The following ZNF831 variants were observed in gnomAD, a reference collection of about 807,000 sequenced individuals.
ZNF831 encodes zinc finger protein 831.
Under a neutral mutation model 95.8 loss-of-function variants are expected in ZNF831, and 59 were observed. That is an observed-to-expected ratio of 0.62 (90% CI 0.50 to 0.77). ZNF831 has a LOEUF of 0.77. ZNF831 is among the 30% of genes least tolerant of loss of function. The pLI, the probability that ZNF831 is intolerant of heterozygous loss-of-function variation, is 0.00. For missense variants in ZNF831, 2,205 were observed against 2,164.0 expected (o/e 1.02, Z -0.38); for synonymous variants, 961 against 925.5 (o/e 1.04, Z -0.70).
intron 4 of ZNF831, among the ~76,000 whole-genome samples, chr20:59,211,919 T>C (rs910307716): frequency 6.6e-4 from 101 of 152,094 alleles, no homozygotes; most frequent in African/African-American, 2.3e-3. Context: ...GGCTGTAACT[T>C]GGGGAAACTT....
At chr20:59,184,214 A>G (rs1982835839) in intron 1 of ZNF831, among the ~76,000 whole-genome samples, 1 of 152,120 alleles carries the variant, frequency 6.6e-6, no homozygotes, top group African/African-American at 2.4e-5. Context: ...CTTATTTGCT[A>G]GCTTATTTCT....
intron 1 of ZNF831, among the ~76,000 whole-genome samples, chr20:59,131,030 T>C (rs1979337459): frequency 6.6e-6 from 1 of 152,148 alleles, no homozygotes; most frequent in Admixed American, 6.5e-5. Context: ...ACATGAGATG[T>C]GTCTCGCTCA....
intron 4 of ZNF831, among the ~76,000 whole-genome samples, chr20:59,214,146 C>T (rs981659200): frequency 8.5e-5 from 13 of 152,208 alleles, no homozygotes; most frequent in Non-Finnish European, 1.6e-4. Flanking sequence ...TCCATGCAGG[C>T]AGCTTTGAAG....
chr20:59,191,735 A>C lies in ZNF831; in HGVS notation c.716A>C (p.Glu239Ala), dbSNP rs2146552806. The change falls in exon 2 of 6, where the codon GAA (glutamate) becomes GCA (alanine). Residue 239 changes from glutamate (E) to alanine (A), a missense_variant. Physicochemically the swap from Glu to Ala is moderately radical, Grantham distance 107. Coordinates refer to ENST00000371030, the MANE Select transcript of ZNF831 (RefSeq NM_178457.3). ...RGESRCQGMH[E>A]GASERPLSPG... ...GAGAGCAGGTGCCAGGGGATGCACG[A>C]AGGCGCCTCGGAGAGACCCCTTTCT... The C allele has an allele frequency of 6.3e-7, 1 of 1,591,258 alleles. No individual in the cohort carries two copies. The highest frequency in any genetic ancestry group is 8.6e-7 in the Non-Finnish European group (1 of 1,167,590).
chr20:59,252,865 T>G, intron 4 of ZNF831, 113 bp from the exon 5 acceptor site: 1 of 1,094,838 alleles, frequency 9.1e-7, no homozygotes. Context: ...CCCTGTGAGA[T>G]GAGGGTTAAT....
At position 59,169,814 on chromosome 20, in the gene ZNF831, G is replaced by A. The variant is rs11906149; in HGVS notation, c.-37+5607G>A. On this transcript the variant is annotated intron_variant, in intron 1 of 5. Coordinates refer to ENST00000371030, the MANE Select transcript of ZNF831 (RefSeq NM_178457.3). The surrounding 1 kb of genome is among the most constrained non-coding windows in gnomAD (Gnocchi z 4.1). ...ACTCGGGAGGCTGAGGCAGGAGAAT[G>A]TTTTGAACCCAGGAGGCAGAGGTTG... Among the ~76,000 whole-genome samples the A allele has an allele frequency of 6.6e-6, 1 of 151,726 alleles. No homozygotes were observed. Among genetic ancestry groups the A allele is most frequent in the African/African-American group, 2.4e-5 (1 of 41,256 alleles).
At position 59,193,715 on chromosome 20, in the gene ZNF831, C is replaced by T. The variant is rs1983822727; in HGVS notation, c.2696C>T (p.Pro899Leu). The change falls in exon 2 of 6, where the codon CCA becomes CTA. Residue 899 changes from proline to leucine, a missense_variant. Coordinates refer to ENST00000371030, the MANE Select transcript of ZNF831 (RefSeq NM_178457.3). Reference sequence around the variant, plus strand: ...TCTGTTGCCCTGAAGAGGGTGGGGCCAAGGGACAAGGCTACCCCACTGCAT... The same window carrying T: ...TCTGTTGCCCTGAAGAGGGTGGGGCTAAGGGACAAGGCTACCCCACTGCAT... ...AASVALKRVG[P>L]RDKATPLHPA... 1.2e-6 allele frequency: 2 copies of T among 1,612,226 alleles called. No individual in the cohort carries two copies. The highest frequency in any genetic ancestry group is 1.1e-5 in the South Asian group (1 of 90,940).
In ZNF831 at chr20:59,191,744, C is replaced by T. The variant is rs769533096; in HGVS notation, c.725C>T (p.Ser242Leu). 8 of 1,601,666 alleles carry T rather than the reference C, an allele frequency of 5.0e-6. No homozygotes were observed. Among genetic ancestry groups the T allele is most frequent in the South Asian group, 2.2e-5 (2 of 89,472 alleles). ...SRCQGMHEGASERPLSPGAHV... is the reference protein window; with the variant it reads ...SRCQGMHEGALERPLSPGAHV... ...TGCCAGGGGATGCACGAAGGCGCCT[C>T]GGAGAGACCCCTTTCTCCGGGTGCC... is the stretch of plus-strand genomic sequence containing the variant. The change falls in exon 2 of 6, where the codon TCG (serine) becomes TTG (leucine). Residue 242 changes from serine (S) to leucine (L), a missense_variant. Physicochemically the swap from Ser to Leu is moderately radical, Grantham distance 145. Coordinates refer to ENST00000371030, the MANE Select transcript of ZNF831 (RefSeq NM_178457.3).
chr20:59,193,820 A>C lies in ZNF831; in HGVS notation c.2801A>C (p.Asp934Ala), dbSNP rs1171646779. 1 of 1,612,924 alleles carries C rather than the reference A, an allele frequency of 6.2e-7. No individual in the cohort carries two copies. Among genetic ancestry groups the C allele is most frequent in the Non-Finnish European group, 8.5e-7 (1 of 1,179,420 alleles). Residue 934 changes from aspartate to alanine, a missense_variant, in exon 2 of 6, where the codon GAT (aspartate) becomes GCT (alanine). Asp to Ala is a moderately radical substitution (Grantham distance 126, BLOSUM62 -2). Coordinates refer to ENST00000371030, the MANE Select transcript of ZNF831 (RefSeq NM_178457.3). Reference sequence around the variant, plus strand: ...CCTAGAGTGCTCTCTGCCCTGGCAGATAATGCCTTTTCCCCCAAGTACCTC... The same window carrying C: ...CCTAGAGTGCTCTCTGCCCTGGCAGCTAATGCCTTTTCCCCCAAGTACCTC... The part of the protein sequence containing the change: ...QAPRVLSALA[D>A]NAFSPKYLLR...
intron 1 of ZNF831, among the ~76,000 whole-genome samples, chr20:59,172,770 C>T (rs552761012): frequency 6.6e-6 from 1 of 152,308 alleles, no homozygotes; most frequent in East Asian, 1.9e-4. Context: ...GCACTCCTGT[C>T]AATGAATTTG....
At chr20:59,201,876 A>G (rs1984553853) in intron 3 of ZNF831, among the ~76,000 whole-genome samples, 1 of 152,230 alleles carries the variant, frequency 6.6e-6, no homozygotes, top group African/African-American at 2.4e-5. Flanking sequence ...ACAGAAATAG[A>G]CCATGCTGTG....
At chr20:59,181,434 T>C (rs1230555898) in intron 1 of ZNF831, among the ~76,000 whole-genome samples, 1 of 152,240 alleles carries the variant, frequency 6.6e-6, no homozygotes, top group African/African-American at 2.4e-5. Context: ...GTTTTAGTCA[T>C]AAAGTCTTTG....
At chr20:59,146,817 C>T (rs1440993163) in intron 2 of ZNF831, 1 of 152,228 alleles carries the variant, frequency 6.6e-6, no homozygotes, top group Admixed American at 6.5e-5. Flanking sequence ...AGCAATCAGA[C>T]CCAGCTGTCC....
intron 2 of ZNF831, among the ~76,000 whole-genome samples, chr20:59,148,433 G>A (rs1374881772): frequency 8.5e-6 from 1 of 117,032 alleles, no homozygotes; most frequent in African/African-American, 3.4e-5. Context: ...TGTAATCCCA[G>A]CACTTTGGGA....
intron 1 of ZNF831, among the ~76,000 whole-genome samples, chr20:59,176,445 T>C (rs1982166160): frequency 6.6e-6 from 1 of 152,120 alleles, no homozygotes; most frequent in Admixed American, 6.5e-5. Flanking sequence ...AGAGGGTGCA[T>C]TTTACTGTAT....
intron 4 of ZNF831, among the ~76,000 whole-genome samples, chr20:59,226,219 G>T (rs1379590018): frequency 6.6e-6 from 1 of 152,188 alleles, no homozygotes; most frequent in East Asian, 1.9e-4. Context: ...GTGGGGCATG[G>T]CTGCTGAACA....
At chr20:59,223,642 G>A (rs1986245691) in intron 4 of ZNF831, among the ~76,000 whole-genome samples, 1 of 152,172 alleles carries the variant, frequency 6.6e-6, no homozygotes, top group Admixed American at 6.5e-5. Flanking sequence ...CTGTAAAATG[G>A]GGGTGATAGT....
At chr20:59,236,286 G>A (rs1038107141) in intron 4 of ZNF831, among the ~76,000 whole-genome samples, 1 of 152,072 alleles carries the variant, frequency 6.6e-6, no homozygotes, top group Non-Finnish European at 1.5e-5. Flanking sequence ...GGCCAAACAT[G>A]CCCTTTTGTC....
At position 59,256,269 on chromosome 20, in the gene ZNF831, A is replaced by C. The variant is rs1279664677; in HGVS notation, c.*1526A>C. The C allele has an allele frequency of 2.0e-5, 3 of 152,234 alleles. No individual in the cohort carries two copies. The highest frequency in any genetic ancestry group is 7.2e-5 in the African/African-American group (3 of 41,460). The allele number at this position is 152,234 out of a possible 1,614,324, so 9.4% of individuals were successfully genotyped here. On this transcript the variant is annotated 3_prime_UTR_variant, in exon 6 of 6. Transcript: ENST00000371030. ...TCATAGAAAACTTCAATGCCAGACC[A>C]GCTTCCCTGGTTACTTAGCATATAT... is the stretch of plus-strand genomic sequence containing the variant.
Sources: gnomAD v4.1 joint callset for allele counts (sites outside exome capture counted in the v4.1 genomes callset) on GRCh38, gnomAD v4.1.1 for gene constraint, Gnocchi (gnomAD v3.1) non-coding constraint, MANE v1.5 for transcripts, NCBI Gene and HGNC (gene_info 2026-07-23, HGNC 2026-07-21) for gene names.